The following PIEZO2 variants were observed in gnomAD, a reference collection of about 807,000 sequenced individuals.
The protein encoded by PIEZO2 is piezo-type mechanosensitive ion channel component 2.
Under a neutral mutation model 337.3 loss-of-function variants are expected in PIEZO2, and 172 were observed. That is an observed-to-expected ratio of 0.51 (90% CI 0.45 to 0.58). PIEZO2 has a LOEUF of 0.58. PIEZO2 is among the 20% of genes least tolerant of loss of function. PIEZO2 has a pLI of 0.00. For missense variants in PIEZO2, 3,028 were observed against 3,391.3 expected, an observed-to-expected ratio of 0.89 and a Z score of 2.66; for synonymous variants, 1,251 against 1,228.5, an observed-to-expected ratio of 1.02 and a Z score of -0.38.
At chr18:10,695,475 A>AGT (rs1482403176) in intron 47 of PIEZO2, among the ~76,000 whole-genome samples, 1 of 152,166 alleles carries the variant, frequency 6.6e-6, no homozygotes, top group East Asian at 1.9e-4. Context: ...CAGCAGCACT[A>AGT]GTTGTATTAA....
chr18:10,741,883 G>A (rs1180865625), intron 32 of PIEZO2, among the ~76,000 whole-genome samples: 2 of 152,162 alleles, frequency 1.3e-5, no homozygotes, highest in African/African-American at 4.8e-5. Context: ...GCTGGGCTCG[G>A]TGGCTCACGC....
Position 10,982,214 on chromosome 18 carries a change from G to C in PIEZO2, c.161-2554C>G, listed in dbSNP as rs264227. Reference sequence around the variant, plus strand: ...TGTTTGTAAATATCCATTACTAGGTGTATTCGGGTTCTCTAGAGGGACAGG... The same window carrying C: ...TGTTTGTAAATATCCATTACTAGGTCTATTCGGGTTCTCTAGAGGGACAGG... On this transcript the variant is annotated intron_variant, in intron 2 of 55. Coordinates refer to ENST00000674853, the MANE Select transcript of PIEZO2 (RefSeq NM_001378183.1). The surrounding 1 kb of genome is among the most constrained non-coding windows in gnomAD (Gnocchi z 4.1). 6.6e-6 allele frequency among the ~76,000 whole-genome samples: 1 copy of C among 152,144 alleles called. No homozygotes were observed. The highest frequency in any genetic ancestry group is 1.5e-5 in the Non-Finnish European group (1 of 68,042).
intron 36 of PIEZO2, among the ~76,000 whole-genome samples, chr18:10,723,501 G>A (rs1029522220): frequency 3.3e-5 from 5 of 152,176 alleles, no homozygotes; most frequent in African/African-American, 9.7e-5. Flanking sequence ...GCTGGAGGAG[G>A]GTGGGTACTA....
rs2039724448 is a variant in PIEZO2, at chr18:11,111,280, C to G, written c.64+37245G>C. The stretch of plus-strand genomic sequence containing the variant: ...AACTTCCCTGGCCTTCGTTTCCCAT[C>G]CCTTTCAACAGTGGTATAGCCTGCA... On this transcript the variant is annotated intron_variant, in intron 1 of 55. Coordinates refer to ENST00000674853, the MANE Select transcript of PIEZO2 (RefSeq NM_001378183.1). The surrounding 1 kb of genome is among the most constrained non-coding windows in gnomAD (Gnocchi z 6.2). 6.6e-6 allele frequency among the ~76,000 whole-genome samples: 1 copy of G among 152,170 alleles called. No individual in the cohort carries two copies. The highest frequency in any genetic ancestry group is 2.4e-5 in the African/African-American group (1 of 41,438).
intron 4 of PIEZO2, among the ~76,000 whole-genome samples, chr18:10,876,345 A>T (rs901873687): frequency 2.0e-5 from 3 of 152,240 alleles, no homozygotes; most frequent in Non-Finnish European, 2.9e-5. Context: ...ACCATTTCTT[A>T]CCAGTTTCTT....
intron 3 of PIEZO2, among the ~76,000 whole-genome samples, chr18:10,918,807 C>G (rs546126087): frequency 6.6e-6 from 1 of 151,958 alleles, no homozygotes; most frequent in African/African-American, 2.4e-5. Context: ...CACTTTACTG[C>G]TTATATAGTG....
intron 2 of PIEZO2, among the ~76,000 whole-genome samples, chr18:11,054,551 T>A (rs2037647002): frequency 6.6e-6 from 1 of 152,238 alleles, no homozygotes; most frequent in Non-Finnish European, 1.5e-5. Context: ...ATCCTTGCCA[T>A]CTTGATGTTT....
chr18:10,865,918 T>C (rs2041994143), intron 5 of PIEZO2, among the ~76,000 whole-genome samples: 1 of 152,170 alleles, frequency 6.6e-6, no homozygotes, highest in South Asian at 2.1e-4. Context: ...CATGGGGTAT[T>C]TGTGGTTATT....
At position 10,696,472 on chromosome 18, in the gene PIEZO2, C is replaced by A. The variant is rs551918181; in HGVS notation, c.6895G>T (p.Val2299Leu). The part of the protein sequence containing the change: ...YNLIHPEYSA[V>L]TDVYVLMFLA... ...AACATGAGTACATACACGTCAGTCA[C>A]GGCGCTATACTCCGGGTGGATGAGG... Residue 2299 changes from valine to leucine, a missense_variant, in exon 46 of 56, where the codon GTG (valine) becomes TTG (leucine). This residue lies in a region of PIEZO2 where 1,925 missense variants were observed against 2,051.9 expected (regional missense o/e 0.94). Transcript: ENST00000674853. 6.2e-7 allele frequency: 1 copy of A among 1,614,140 alleles called. No individual in the cohort carries two copies. Among genetic ancestry groups the A allele is most frequent in the Non-Finnish European group, 8.5e-7 (1 of 1,180,024 alleles).
In PIEZO2 at chr18:10,766,037, A is replaced by C. The variant is rs1204385450; in HGVS notation, c.2947-2939T>G. Among the ~76,000 whole-genome samples the C allele has an allele frequency of 6.6e-6, 1 of 152,148 alleles. No homozygotes were observed. The highest frequency in any genetic ancestry group is 6.5e-5 in the Admixed American group (1 of 15,274). On this transcript the variant is annotated intron_variant, in intron 21 of 55. Transcript: ENST00000674853. This position sits in a 1 kb window ranked among gnomAD's most constrained non-coding sequence, Gnocchi z 6.1. ...CTGTGCGGTGAATATTTTTATTTTT[A>C]TCATTTTACAAATAGAAAAACTGGG... is the stretch of plus-strand genomic sequence containing the variant.
intron 3 of PIEZO2, among the ~76,000 whole-genome samples, chr18:10,933,831 G>A (rs370790283): frequency 6.6e-6 from 1 of 152,196 alleles, no homozygotes; most frequent in East Asian, 1.9e-4. Context: ...TCATGGTAGT[G>A]AATAAGTCTC....
intron 5 of PIEZO2, among the ~76,000 whole-genome samples, chr18:10,869,630 T>A (rs919415782): frequency 2.6e-5 from 4 of 152,134 alleles, no homozygotes; most frequent in African/African-American, 9.7e-5. Flanking sequence ...TAAAAAATAG[T>A]CAAAATTTAA....
chr18:10,918,825 G>A (rs264276), intron 3 of PIEZO2, among the ~76,000 whole-genome samples: 143,244 of 152,004 alleles, frequency 0.94, 67,610 homozygotes, highest in East Asian at 1. Context: ...GTGTTCCATA[G>A]TTTAACAAAA....
chr18:10,933,267 A>G (rs1598712497), intron 3 of PIEZO2, among the ~76,000 whole-genome samples: 1 of 152,146 alleles, frequency 6.6e-6, no homozygotes, highest in East Asian at 1.9e-4. Context: ...CCTAATGACA[A>G]TTGAACTGAA....
At chr18:10,728,831 T>C (rs1360465886) in intron 36 of PIEZO2, among the ~76,000 whole-genome samples, 1 of 151,388 alleles carries the variant, frequency 6.6e-6, no homozygotes, top group African/African-American at 2.4e-5. Context: ...GGCGGGCGCC[T>C]GTAGTCCCAG....
intron 33 of PIEZO2, 57 bp from the exon 34 acceptor site, chr18:10,736,767 C>T: frequency 6.7e-7 from 1 of 1,503,592 alleles, no homozygotes; most frequent in Non-Finnish European, 8.9e-7. Flanking sequence ...AAATTGGGGG[C>T]TTATTAATGA....
intron 49 of PIEZO2, among the ~76,000 whole-genome samples, chr18:10,685,505 G>T (rs561542290): frequency 6.6e-6 from 1 of 152,146 alleles, no homozygotes. Flanking sequence ...TGCATGCCTC[G>T]AGTTATAGGC....
At chr18:10,721,718 C>A (rs530750345) in intron 36 of PIEZO2, among the ~76,000 whole-genome samples, 49 of 152,084 alleles carry the variant, frequency 3.2e-4, no homozygotes, top group African/African-American at 1.2e-3. Flanking sequence ...TGAAAACACA[C>A]CCGAGAAGAA....
intron 28 of PIEZO2, among the ~76,000 whole-genome samples, chr18:10,752,178 A>C (rs1193399264): frequency 6.6e-6 from 1 of 152,166 alleles, no homozygotes; most frequent in African/African-American, 2.4e-5. Context: ...TACTCCACCC[A>C]GTATCATAGA....
Sources: gnomAD v4.1 joint callset for allele counts (sites outside exome capture counted in the v4.1 genomes callset) on GRCh38, gnomAD v4.1.1 for gene constraint, gnomAD v4.1.1 regional missense constraint, Gnocchi (gnomAD v3.1) non-coding constraint, MANE v1.5 for transcripts, NCBI Gene and HGNC (gene_info 2026-07-23, HGNC 2026-07-21) for gene names.